APOOL: variants seen among roughly 807,000 people sequenced by gnomAD.
The protein encoded by APOOL is apolipoprotein O like.
APOOL carries 12 observed loss-of-function variants against 23.1 expected under a neutral mutation model. That is an observed-to-expected ratio of 0.52 (90% CI 0.33 to 0.84). APOOL has a LOEUF of 0.84. Ranked by LOEUF, APOOL falls within the 40% of genes least tolerant of loss-of-function variation. The probability of loss-of-function intolerance (pLI) is 0.02; values close to 1 mark genes in which losing one functional copy is unlikely to be tolerated. For missense variants in APOOL, 212 were observed against 199.6 expected (o/e 1.06, Z -0.37); for synonymous variants, 77 against 69.9 (o/e 1.10, Z -0.51).
chrX:85,055,388 T>C (rs746963362), intron 4 of APOOL, among the ~76,000 whole-genome samples: 50 of 111,569 alleles, frequency 4.5e-4, no homozygotes, highest in Non-Finnish European at 7.4e-4. Flanking sequence ...CTAGTAGCTG[T>C]GTATATCCTT....
intron 8 of APOOL, among the ~76,000 whole-genome samples, chrX:85,084,384 C>T (rs1924220055): frequency 9.1e-6 from 1 of 110,007 alleles, no homozygotes; most frequent in Non-Finnish European, 1.9e-5. Context: ...ATCCTCCCAC[C>T]TCGGCCTCCC....
chrX:85,037,684 G>A (rs1297860972), intron 1 of APOOL, among the ~76,000 whole-genome samples: 2 of 111,123 alleles, frequency 1.8e-5, no homozygotes, highest in African/African-American at 6.5e-5. Context: ...GCCAAATACA[G>A]CCAACTGATC....
chrX:85,022,989 A>G (rs1362798457), intron 1 of APOOL, among the ~76,000 whole-genome samples: 2 of 111,629 alleles, frequency 1.8e-5, no homozygotes, highest in African/African-American at 6.5e-5. Context: ...GTTGGTGGTT[A>G]CAAAGAGCCT....
intron 1 of APOOL, among the ~76,000 whole-genome samples, chrX:85,042,817 G>A (rs1475671077): frequency 1.8e-5 from 2 of 111,800 alleles, no homozygotes; most frequent in Admixed American, 1.9e-4. Flanking sequence ...CATATCAACA[G>A]AATGAAGGAT....
chrX:85,021,634 G>A, intron 1 of APOOL, among the ~76,000 whole-genome samples: 1 of 111,150 alleles, frequency 9.0e-6, no homozygotes, highest in Non-Finnish European at 1.9e-5. Flanking sequence ...GCCAGTTCCT[G>A]TGGATTTAGG....
intron 1 of APOOL, among the ~76,000 whole-genome samples, chrX:85,009,784 T>C (rs1443175428): frequency 9.0e-6 from 1 of 111,361 alleles, no homozygotes; most frequent in African/African-American, 3.3e-5. Context: ...TCTGCTCCTC[T>C]CCTTGCTCCC....
Position 85,092,992 on chromosome X carries a change from A to G in APOOL, c.*5314A>G, listed in dbSNP as rs201131679. The stretch of plus-strand genomic sequence containing the variant: ...GTGGTTGTGGATTATATATAAATCA[A>G]TTTTAATTGACTATAATTCATATAC... On this transcript the variant is annotated 3_prime_UTR_variant, in exon 9 of 9. Coordinates refer to ENST00000373173, the MANE Select transcript of APOOL (RefSeq NM_198450.6). 1.0e-5 allele frequency: 4 copies of G among 390,490 alleles called. No individual in the cohort carries two copies. In the East Asian group the frequency reaches 1.2e-4, roughly 12 times the overall value. The allele number at this position is 390,490 out of a possible 1,213,427, so 32.2% of individuals were successfully genotyped here. A position where few individuals can be genotyped will look rare whatever the true frequency, so the allele number is the denominator to read the frequency against.
chrX:85,086,586 C>T (rs1428577872), intron 8 of APOOL, among the ~76,000 whole-genome samples: 1 of 111,944 alleles, frequency 8.9e-6, no homozygotes, highest in African/African-American at 3.2e-5. Context: ...CTTCTACTTC[C>T]ACCATCCTAA....
chrX:85,066,207 G>C (rs748696727), intron 5 of APOOL, among the ~76,000 whole-genome samples: 2 of 112,085 alleles, frequency 1.8e-5, no homozygotes, highest in African/African-American at 3.2e-5. Flanking sequence ...CCATCATCCA[G>C]TTACCTGGAT....
At chrX:85,016,173 G>T (rs769055909) in intron 1 of APOOL, among the ~76,000 whole-genome samples, 1 of 107,978 alleles carries the variant, frequency 9.3e-6, no homozygotes, top group African/African-American at 3.4e-5. Flanking sequence ...AAGTATCCCT[G>T]GATAGTCACC....
chrX:85,092,624 A>ATATTT lies in APOOL; in HGVS notation c.*4951_*4955dup. The ATATTT allele has an allele frequency of 9.8e-7, 1 of 1,021,706 alleles. No homozygotes were observed. Among genetic ancestry groups the ATATTT allele is most frequent in the Non-Finnish European group, 1.3e-6 (1 of 744,868 alleles). 84.2% of individuals were successfully genotyped at this position (1,021,706 alleles called of 1,213,427 possible). ...GAAAGTATAATCTTCGTTAACACAT[A>ATATTT]TATTTTATTGAAGGTCTACTCTATG... On this transcript the variant is annotated 3_prime_UTR_variant, in exon 9 of 9. Transcript: ENST00000373173.
intron 5 of APOOL, among the ~76,000 whole-genome samples, chrX:85,066,277 C>T (rs1923451653): frequency 9.0e-6 from 1 of 111,401 alleles, no homozygotes; most frequent in South Asian, 3.8e-4. Flanking sequence ...TTTGAACCAA[C>T]AATCTGTTGG....
intron 8 of APOOL, among the ~76,000 whole-genome samples, chrX:85,084,861 G>A (rs1226200786): frequency 9.0e-6 from 1 of 111,296 alleles, no homozygotes; most frequent in Non-Finnish European, 1.9e-5. Flanking sequence ...ACATTGTTAA[G>A]CAAATTTGAC....
intron 3 of APOOL, among the ~76,000 whole-genome samples, chrX:85,054,034 C>T (rs765020527): frequency 2.2e-4 from 24 of 111,216 alleles, no homozygotes; most frequent in African/African-American, 7.5e-4. Context: ...ATTTAAATTC[C>T]ATTTATTTTT....
At chrX:85,036,225 T>C (rs1922211263) in intron 1 of APOOL, among the ~76,000 whole-genome samples, 2 of 112,200 alleles carry the variant, frequency 1.8e-5, no homozygotes, top group South Asian at 7.3e-4. Context: ...AGGTATTTTA[T>C]TCTATTCATG....
At chrX:85,017,215 C>T (rs138194782) in intron 1 of APOOL, among the ~76,000 whole-genome samples, 1,881 of 111,245 alleles carry the variant, frequency 0.017, 41 homozygotes, top group African/African-American at 0.057. Flanking sequence ...GGTTCTCAGG[C>T]CAATGGGGTT....
chrX:85,017,053 C>T (rs1921500696), intron 1 of APOOL, among the ~76,000 whole-genome samples: 1 of 112,006 alleles, frequency 8.9e-6, no homozygotes, highest in African/African-American at 3.2e-5. Context: ...TGGGCAGGGC[C>T]ATAAAGCTCC....
intron 8 of APOOL, among the ~76,000 whole-genome samples, chrX:85,084,134 C>CTTT (rs35647720): frequency 2.5e-4 from 21 of 83,796 alleles, no homozygotes; most frequent in Middle Eastern, 6.3e-3. Flanking sequence ...TGAGATGAAG[C>CTTT]TTTTTTTTTT....
chrX:85,032,009 C>A (rs1445896509), intron 1 of APOOL, among the ~76,000 whole-genome samples: 2 of 111,370 alleles, frequency 1.8e-5, no homozygotes, highest in Admixed American at 1.9e-4. Flanking sequence ...TTTTTTTCCC[C>A]AGATATAGCA....
Sources: allele counts gnomAD v4.1 joint callset (sites outside exome capture counted in the v4.1 genomes callset), GRCh38; gene constraint gnomAD v4.1.1; transcripts MANE v1.5; gene names NCBI Gene and HGNC (gene_info 2026-07-23, HGNC 2026-07-21).